The following LACC1 variants were observed in gnomAD, a reference collection of about 807,000 sequenced individuals.
The protein encoded by LACC1 is laccase domain multifunctional purine nucleosidase 1.
In LACC1, 25 loss-of-function variants were observed where a neutral mutation model predicts 34.8. The ratio of observed to expected loss-of-function variants is 0.72; its 90% confidence interval spans 0.52 to 1.00. The LOEUF (loss-of-function observed/expected upper bound fraction) is 1.00. LACC1 is among the 50% of genes least tolerant of loss of function. LACC1 has a pLI of 0.00. For synonymous variants in LACC1, 162 were observed against 168.0 expected, an observed-to-expected ratio of 0.96 and a Z score of 0.28; for missense variants, 426 against 511.2, an observed-to-expected ratio of 0.83 and a Z score of 1.61.
At chr13:43,882,960 T>TAC (rs200731455) in intron 3 of LACC1, among the ~76,000 whole-genome samples, 25 of 150,788 alleles carry the variant, frequency 1.7e-4, no homozygotes, top group Admixed American at 1.3e-3. Context: ...AGGGTGCCCT[T>TAC]ACACACACAC....
intron 1 of LACC1, 80 bp from the exon 2 acceptor site, chr13:43,880,872 G>C: frequency 3.2e-6 from 3 of 948,162 alleles, no homozygotes; most frequent in South Asian, 3.7e-5. Context: ...TAATTACTTC[G>C]TTTTTAATCT....
rs961376329 is a variant in LACC1 at position 43,892,392 on chromosome 13, T to G, written c.*945T>G. On this transcript the variant is annotated 3_prime_UTR_variant, in exon 7 of 7. Transcript: ENST00000325686. Reference sequence around the variant, plus strand: ...TTAGAGAGACATTTAAGAGATGGAATCAATAGATCCTGTTACTAGATAATG... The same window carrying G: ...TTAGAGAGACATTTAAGAGATGGAAGCAATAGATCCTGTTACTAGATAATG... 3 of 151,796 alleles carry G rather than the reference T, an allele frequency of 2.0e-5. No homozygotes were observed. The highest frequency in any genetic ancestry group is 7.3e-5 in the African/African-American group (3 of 41,328). The allele number at this position is 151,796 out of a possible 1,614,324, so 9.4% of individuals were successfully genotyped here. A position where few individuals can be genotyped will look rare whatever the true frequency, so the allele number is the denominator to read the frequency against.
rs1394060470 is a variant in LACC1 at position 43,892,267 on chromosome 13, G to A, written c.*820G>A. On this transcript the variant is annotated 3_prime_UTR_variant, in exon 7 of 7. Transcript: ENST00000325686. ...TGGATTTAAATTGTGTGAGACCAAA[G>A]CATAGAGACTAGATAAGAGGCGATC... 6.7e-6 allele frequency: 1 copy of A among 148,608 alleles called. No homozygotes were observed. The highest frequency in any genetic ancestry group is 1.5e-5 in the Non-Finnish European group (1 of 67,344). The allele number at this position is 148,608 out of a possible 1,614,324, so 9.2% of individuals were successfully genotyped here.
At chr13:43,885,886 A>G (rs1955297436) in intron 4 of LACC1, among the ~76,000 whole-genome samples, 1 of 152,236 alleles carries the variant, frequency 6.6e-6, no homozygotes, top group African/African-American at 2.4e-5. Context: ...CCGAGACTCT[A>G]TAAGGAACTT....
chr13:43,880,149 C>G (rs1180862525), intron 1 of LACC1, 30 bp downstream of exon 1: 1 of 149,656 alleles, frequency 6.7e-6, no homozygotes, highest in Non-Finnish European at 1.5e-5. Context: ...GGCGGCGACA[C>G]ACGTTGGGCG....
intron 1 of LACC1, among the ~76,000 whole-genome samples, chr13:43,880,594 T>A (rs1285471589): frequency 6.6e-6 from 1 of 152,212 alleles, no homozygotes. Context: ...GACAATCATG[T>A]CAGGACTAAT....
At chr13:43,880,644 G>A (rs906645360) in intron 1 of LACC1, among the ~76,000 whole-genome samples, 1 of 152,190 alleles carries the variant, frequency 6.6e-6, no homozygotes, top group African/African-American at 2.4e-5. Context: ...TTTAAAAACA[G>A]GACTTTGTCT....
At chr13:43,880,899 G>T in intron 1 of LACC1, 53 bp from the exon 2 acceptor site, 3 of 1,154,860 alleles carry the variant, frequency 2.6e-6, no homozygotes, top group African/African-American at 1.6e-5. Flanking sequence ...AATTTCTGTT[G>T]TAACTATAAG....
At position 43,888,739 on chromosome 13, in the gene LACC1, T is replaced by C; in HGVS notation, c.908-18T>C. ...TATGTTTTGACTTCTCTTATCTCTTTTTATTCCTATTTACCAGGTTGGAAA... is the reference window on the plus strand; with the variant it reads ...TATGTTTTGACTTCTCTTATCTCTTCTTATTCCTATTTACCAGGTTGGAAA... On this transcript the variant is annotated intron_variant, in intron 4 of 6. Transcript: ENST00000325686. 1 of 1,598,288 alleles carries C rather than the reference T, an allele frequency of 6.3e-7. No individual in the cohort carries two copies. The highest frequency in any genetic ancestry group is 8.6e-7 in the Non-Finnish European group (1 of 1,165,908).
intron 2 of LACC1, 111 bp downstream of exon 2, chr13:43,881,658 G>T: frequency 1.3e-6 from 1 of 795,248 alleles, no homozygotes; most frequent in African/African-American, 1.7e-5. Context: ...GTTGTGGGCT[G>T]ATTACTCATT....
intron 5 of LACC1, 104 bp downstream of exon 5, chr13:43,889,086 T>C (rs1594899595): frequency 3.4e-6 from 3 of 891,972 alleles, no homozygotes; most frequent in Middle Eastern, 2.2e-4. Context: ...ATTTAGGTGG[T>C]GGTTATTTAA....
At position 43,881,563 on chromosome 13, in the gene LACC1, A is replaced by C. The variant is rs1487397736; in HGVS notation, c.562+16A>C. Reference sequence around the variant, plus strand: ...TTGATCCCAGGTATATTAACCACTAACTGTTGTTTTTACTTTGTACATGGA... The same window carrying C: ...TTGATCCCAGGTATATTAACCACTACCTGTTGTTTTTACTTTGTACATGGA... On this transcript the variant is annotated intron_variant, in intron 2 of 6. Transcript: ENST00000325686. 2.6e-6 allele frequency: 4 copies of C among 1,540,908 alleles called. No homozygotes were observed. Among genetic ancestry groups the C allele is most frequent in the Non-Finnish European group, 3.5e-6 (4 of 1,141,690 alleles).
At chr13:43,890,409 A>G in intron 6 of LACC1, 135 bp downstream of exon 6, 1 of 672,780 alleles carries the variant, frequency 1.5e-6, no homozygotes, top group Non-Finnish European at 2.4e-6. Context: ...ATTATGTTAA[A>G]CTTTACTCCT....
At chr13:43,888,648 C>A in intron 4 of LACC1, 109 bp from the exon 5 acceptor site, 1 of 839,238 alleles carries the variant, frequency 1.2e-6, no homozygotes, top group Non-Finnish European at 1.9e-6. Context: ...TATTTCTGGA[C>A]TTTGAAAAAT....
chr13:43,890,575 A>G (rs1267710593), intron 6 of LACC1, among the ~76,000 whole-genome samples: 1 of 152,234 alleles, frequency 6.6e-6, no homozygotes, highest in Non-Finnish European at 1.5e-5. Flanking sequence ...GTATAAAAAT[A>G]AAACAATTTA....
intron 1 of LACC1, among the ~76,000 whole-genome samples, chr13:43,880,592 T>C (rs1594881576): frequency 6.6e-6 from 1 of 152,328 alleles, no homozygotes; most frequent in Admixed American, 6.5e-5. Flanking sequence ...ATGACAATCA[T>C]GTCAGGACTA....
intron 5 of LACC1, 106 bp from the exon 6 acceptor site, chr13:43,890,008 A>C: frequency 2.2e-6 from 2 of 907,012 alleles, no homozygotes; most frequent in Non-Finnish European, 3.3e-6. Context: ...TTCTAGGTAC[A>C]TCTTTCCTGG....
chr13:43,879,491 T>A (rs904934637), upstream of LACC1: 1 of 152,360 alleles, frequency 6.6e-6, no homozygotes, highest in African/African-American at 2.4e-5. Flanking sequence ...GGCTGCGGGA[T>A]GCCGACTCCG....
At chr13:43,882,022 A>G (rs57624052) in intron 2 of LACC1, among the ~76,000 whole-genome samples, 163 bp from the exon 3 acceptor site, 1,560 of 152,338 alleles carry the variant, frequency 0.01, 24 homozygotes, top group African/African-American at 0.035. Context: ...GGAGTGTAAA[A>G]CAAACACAAA....
Sources: gnomAD v4.1 joint callset for allele counts (sites outside exome capture counted in the v4.1 genomes callset) on GRCh38, gnomAD v4.1.1 for gene constraint, MANE v1.5 for transcripts, NCBI Gene and HGNC (gene_info 2026-07-23, HGNC 2026-07-21) for gene names.